COLEC12: variants seen among roughly 807,000 people sequenced by gnomAD.
COLEC12 encodes the protein collectin subfamily member 12.
In COLEC12, 33 loss-of-function variants were observed where a neutral mutation model predicts 71.1. The ratio of observed to expected loss-of-function variants is 0.46; its 90% CI spans 0.35 to 0.62. The LOEUF (loss-of-function observed/expected upper bound fraction) is 0.62. COLEC12 is among the 20% of genes least tolerant of loss of function. The probability of loss-of-function intolerance (pLI) is 0.00; values close to 1 mark genes in which losing one functional copy is unlikely to be tolerated. For synonymous variants in COLEC12, 350 were observed against 353.0 expected, an observed-to-expected ratio of 0.99 and a Z score of 0.10; for missense variants, 765 against 916.1, an observed-to-expected ratio of 0.84 and a Z score of 2.13.
intron 2 of COLEC12, among the ~76,000 whole-genome samples, chr18:431,085 T>G (rs139136225): frequency 1.3e-5 from 2 of 152,010 alleles, no homozygotes; most frequent in African/African-American, 4.8e-5. Flanking sequence ...CTTGACCTCC[T>G]GGGCTCAAGC....
chr18:440,413 CTA>C (rs1435085517), intron 2 of COLEC12, among the ~76,000 whole-genome samples: 1 of 150,984 alleles, frequency 6.6e-6, no homozygotes, highest in Non-Finnish European at 1.5e-5. Context: ...ACACAGGTAA[CTA>C]TGTGAAGGGA....
intron 2 of COLEC12, among the ~76,000 whole-genome samples, chr18:391,715 C>T (rs140225168): frequency 6.6e-6 from 1 of 152,280 alleles, no homozygotes; most frequent in Admixed American, 6.5e-5. Context: ...ACCAATTCTC[C>T]ACCACACACC....
At chr18:449,032 G>GT (rs1455295154) in intron 2 of COLEC12, among the ~76,000 whole-genome samples, 4 of 151,956 alleles carry the variant, frequency 2.6e-5, no homozygotes, top group African/African-American at 9.7e-5. Flanking sequence ...AATAAATACT[G>GT]TTTGCCAGAA....
chr18:480,657 T>C lies in COLEC12; in HGVS notation c.58+50A>G. ...CCAATGGTCTCTGAGGGTTCGTGGC[T>C]GCATCCCAGGTTGACCACTGAGAAG... On this transcript the variant is annotated intron_variant, in intron 2 of 9. Transcript: ENST00000400256. This position sits in a 1 kb window ranked among gnomAD's most constrained non-coding sequence, Gnocchi z 4.1. The C allele has an allele frequency of 6.5e-7, 1 of 1,537,840 alleles. No individual in the cohort carries two copies. The highest frequency in any genetic ancestry group is 9.0e-7 in the Non-Finnish European group (1 of 1,110,396).
intron 2 of COLEC12, among the ~76,000 whole-genome samples, chr18:409,386 T>C (rs545649323): frequency 1.6e-4 from 25 of 152,104 alleles, no homozygotes; most frequent in African/African-American, 6.0e-4. Context: ...AAACAAAAAT[T>C]AGCTGGGTGT....
chr18:418,759 G>C (rs982286957), intron 2 of COLEC12, among the ~76,000 whole-genome samples: 1 of 152,184 alleles, frequency 6.6e-6, no homozygotes, highest in African/African-American at 2.4e-5. Context: ...CTAAAAAGGG[G>C]AGACATGAAT....
chr18:351,762 T>A (rs1355824643), intron 3 of COLEC12, among the ~76,000 whole-genome samples: 3 of 152,176 alleles, frequency 2.0e-5, no homozygotes, highest in African/African-American at 7.2e-5. Context: ...TACTTTAAGT[T>A]TTAGGGTACA....
At chr18:429,685 T>C (rs1916264767) in intron 2 of COLEC12, among the ~76,000 whole-genome samples, 1 of 152,084 alleles carries the variant, frequency 6.6e-6, no homozygotes, top group South Asian at 2.1e-4. Context: ...CCTGGCCTCA[T>C]GTAATTCTTT....
intron 1 of COLEC12, among the ~76,000 whole-genome samples, chr18:493,853 C>T (rs1296346332): frequency 1.3e-5 from 2 of 152,142 alleles, no homozygotes; most frequent in South Asian, 2.1e-4. Flanking sequence ...TGTCCGAATA[C>T]TTATTTAGAG....
intron 2 of COLEC12, among the ~76,000 whole-genome samples, chr18:455,922 G>T (rs539902682): frequency 6.6e-6 from 1 of 152,076 alleles, no homozygotes; most frequent in Middle Eastern, 3.2e-3. Flanking sequence ...ATGGGCATTT[G>T]GGTTGTAAAT....
At chr18:345,570 C>A (rs1028850743) in intron 5 of COLEC12, among the ~76,000 whole-genome samples, 4 of 152,170 alleles carry the variant, frequency 2.6e-5, no homozygotes, top group Non-Finnish European at 5.9e-5. Flanking sequence ...CTTACTGTGA[C>A]CTCTGTGTTA....
At chr18:452,099 C>T (rs1487097154) in intron 2 of COLEC12, among the ~76,000 whole-genome samples, 2 of 152,154 alleles carry the variant, frequency 1.3e-5, no homozygotes, top group Non-Finnish European at 2.9e-5. Context: ...AAATGCCCAA[C>T]TATGCGTGAT....
intron 2 of COLEC12, among the ~76,000 whole-genome samples, chr18:473,015 A>G (rs1003073102): frequency 6.6e-5 from 10 of 152,120 alleles, no homozygotes; most frequent in African/African-American, 2.4e-4. Context: ...TGGTTTTATA[A>G]TATCAATATA....
chr18:355,078 T>G (rs752452726), intron 3 of COLEC12, among the ~76,000 whole-genome samples: 11 of 151,930 alleles, frequency 7.2e-5, no homozygotes, highest in Non-Finnish European at 1.6e-4. Context: ...CATCCATCCA[T>G]CCATCCATCC....
intron 1 of COLEC12, among the ~76,000 whole-genome samples, chr18:481,767 C>T (rs1454126963): frequency 6.6e-6 from 1 of 152,066 alleles, no homozygotes; most frequent in Non-Finnish European, 1.5e-5. Flanking sequence ...GACCTAAAAT[C>T]TCATTCCTAA....
At chr18:409,624 A>G (rs954769372) in intron 2 of COLEC12, among the ~76,000 whole-genome samples, 5 of 152,234 alleles carry the variant, frequency 3.3e-5, no homozygotes, top group Admixed American at 3.3e-4. Context: ...GTATTTATTC[A>G]TCATTGAAAA....
chr18:469,287 C>T (rs758527559), intron 2 of COLEC12, among the ~76,000 whole-genome samples: 8 of 152,184 alleles, frequency 5.3e-5, no homozygotes, highest in African/African-American at 1.4e-4. Flanking sequence ...CACGTAGTGC[C>T]CTCTATTGTG....
At chr18:453,293 A>G (rs1264594752) in intron 2 of COLEC12, among the ~76,000 whole-genome samples, 1 of 152,246 alleles carries the variant, frequency 6.6e-6, no homozygotes, top group Non-Finnish European at 1.5e-5. Flanking sequence ...GGGGATTTCT[A>G]GAATTTAAGA....
intron 2 of COLEC12, among the ~76,000 whole-genome samples, chr18:392,640 G>A (rs918711077): frequency 7.2e-5 from 11 of 152,134 alleles, no homozygotes; most frequent in African/African-American, 2.7e-4. Context: ...AGCTACTAAG[G>A]AAAAAGGGCC....
Sources: gnomAD v4.1 joint callset for allele counts (sites outside exome capture counted in the v4.1 genomes callset) on GRCh38, gnomAD v4.1.1 for gene constraint, Gnocchi (gnomAD v3.1) non-coding constraint, MANE v1.5 for transcripts, NCBI Gene and HGNC (gene_info 2026-07-23, HGNC 2026-07-21) for gene names.